The following MPHOSPH9 variants were observed in gnomAD, a reference collection of about 807,000 sequenced individuals.
MPHOSPH9 encodes the protein M-phase phosphoprotein 9.
A neutral mutation model predicts 145.5 loss-of-function variants in MPHOSPH9; 88 were observed. That is an observed-to-expected ratio of 0.60 (90% CI 0.51 to 0.72). MPHOSPH9 has a LOEUF of 0.72. Ranked by LOEUF, MPHOSPH9 falls within the 30% of genes least tolerant of loss-of-function variation. MPHOSPH9 has a pLI of 0.00. For missense variants in MPHOSPH9, 1,238 were observed against 1,386.6 expected (o/e 0.89, Z 1.70); for synonymous variants, 435 against 486.2 (o/e 0.89, Z 1.39).
chr12:123,181,041 C>A, intron 14 of MPHOSPH9, 122 bp downstream of exon 14: 1 of 857,942 alleles, frequency 1.2e-6, no homozygotes, highest in South Asian at 1.5e-5. Flanking sequence ...AGCAAGGTTC[C>A]AGTTCAACAG....
chr12:123,156,926 GA>G lies in MPHOSPH9; in HGVS notation c.3451-19del. On this transcript the variant is annotated intron_variant, in intron 23 of 23. Coordinates refer to ENST00000606320, the MANE Select transcript of MPHOSPH9 (RefSeq NM_022782.4). ...AAGGCTTCCTAGGTGAAAACAATGG[GA>G]AAAGTTTAATTAGAATTCTATACCA... 1.9e-6 allele frequency: 3 copies of G among 1,578,614 alleles called. No individual in the cohort carries two copies. Among genetic ancestry groups the G allele is most frequent in the African/African-American group, 1.3e-5 (1 of 74,476 alleles).
At chr12:123,238,643 G>A (rs558466962) in intron 1 of MPHOSPH9, among the ~76,000 whole-genome samples, 1 of 152,128 alleles carries the variant, frequency 6.6e-6, no homozygotes, top group African/African-American at 2.4e-5. Flanking sequence ...TTTTAAAAGT[G>A]TCTGTCCTAG....
At chr12:123,211,470 A>AACTACAG (rs1386566249) in intron 7 of MPHOSPH9, among the ~76,000 whole-genome samples, 15 of 151,564 alleles carry the variant, frequency 9.9e-5, no homozygotes, top group Admixed American at 5.3e-4. Context: ...CTCCTGTCTT[A>AACTACAG]GCCCCACAAG....
chr12:123,210,052 T>C lies in MPHOSPH9; in HGVS notation c.1194+4A>G. 1.3e-6 allele frequency: 2 copies of C among 1,599,926 alleles called. No homozygotes were observed. Among genetic ancestry groups the C allele is most frequent in the Non-Finnish European group, 1.7e-6 (2 of 1,172,830 alleles). ...CGCCCGGCCACCGTGTGTTTTTAAA[T>C]TACCTGGTTTGGTGACACATCTGTG... is the stretch of plus-strand genomic sequence containing the variant. On this transcript the variant is annotated splice_donor_region_variant and intron_variant, in intron 8 of 23. Transcript: ENST00000606320.
intron 20 of MPHOSPH9, 51 bp from the exon 21 acceptor site, chr12:123,162,269 C>T (rs1387461336): frequency 9.9e-7 from 1 of 1,013,232 alleles, no homozygotes; most frequent in Middle Eastern, 2.6e-4. Context: ...AACTGATTTT[C>T]CCTATCTCCA....
At chr12:123,196,003 C>T (rs1190867559) in intron 12 of MPHOSPH9, among the ~76,000 whole-genome samples, 1 of 151,714 alleles carries the variant, frequency 6.6e-6, no homozygotes, top group Non-Finnish European at 1.5e-5. Flanking sequence ...CCACAGCACT[C>T]TAGCCTGGGC....
intron 1 of MPHOSPH9, among the ~76,000 whole-genome samples, chr12:123,231,747 T>G (rs186700003): frequency 6.6e-6 from 1 of 151,598 alleles, no homozygotes; most frequent in East Asian, 1.9e-4. Flanking sequence ...CCAACTAAAA[T>G]TTCAGTGAAG....
rs558400679 is a variant in MPHOSPH9, at chr12:123,155,405, G to T, written c.*1402C>A. On this transcript the variant is annotated 3_prime_UTR_variant, in exon 24 of 24. Transcript: ENST00000606320. ...GACCCCTGGCCTGGGGACCAGCCAG[G>T]TGAAGGGTGCTCAAAGGTCATTTGA... 2 of 152,284 alleles carry T rather than the reference G, an allele frequency of 1.3e-5. No homozygotes were observed. Among genetic ancestry groups the T allele is most frequent in the African/African-American group, 4.8e-5 (2 of 41,568 alleles). The allele number at this position is 152,284 out of a possible 1,614,324, so 9.4% of individuals were successfully genotyped here.
chr12:123,196,315 A>C (rs1055106591), intron 12 of MPHOSPH9, among the ~76,000 whole-genome samples: 3 of 152,068 alleles, frequency 2.0e-5, no homozygotes, highest in Non-Finnish European at 2.9e-5. Flanking sequence ...GCACCATTGC[A>C]CTCCAGCCTG....
intron 5 of MPHOSPH9, among the ~76,000 whole-genome samples, chr12:123,220,464 T>C (rs1046551545): frequency 6.7e-6 from 1 of 150,274 alleles, no homozygotes; most frequent in Non-Finnish European, 1.5e-5. Flanking sequence ...CTCAGGAGAC[T>C]TAAGGCAGGA....
intron 16 of MPHOSPH9, among the ~76,000 whole-genome samples, chr12:123,169,604 AT>A (rs903921124): frequency 8.0e-4 from 119 of 148,214 alleles, no homozygotes; most frequent in African/African-American, 1.8e-3. Flanking sequence ...GATCTTGCCA[AT>A]TTTTTTTTTT....
In MPHOSPH9 at chr12:123,202,644, T is replaced by G. The variant is rs766937494; in HGVS notation, c.1761A>C (p.Glu587Asp). 3.1e-6 allele frequency: 5 copies of G among 1,613,854 alleles called. No individual in the cohort carries two copies. In the South Asian group the frequency reaches 5.5e-5, roughly 18 times the overall value. ...VPECISLTSL[E>D]DPVILSKIRQ... ...CATACTTAGACAATATCACAGGATC[T>G]TCCAAGGAAGTCAATGAAATGCATT... The change falls in exon 10 of 24, where the codon GAA becomes GAC. Residue 587 changes from glutamate (E) to aspartate (D), a missense_variant. By Grantham distance (45) the Glu-to-Asp change is conservative. Coordinates refer to ENST00000606320, the MANE Select transcript of MPHOSPH9 (RefSeq NM_022782.4).
At chr12:123,172,665 CT>C (rs2044638194) in intron 16 of MPHOSPH9, among the ~76,000 whole-genome samples, 2 of 152,030 alleles carry the variant, frequency 1.3e-5, no homozygotes, top group African/African-American at 4.8e-5. Context: ...ATGAAATATT[CT>C]TTTTTCCCAA....
chr12:123,218,839 G>A (rs946574353), intron 5 of MPHOSPH9, among the ~76,000 whole-genome samples: 1 of 151,638 alleles, frequency 6.6e-6, no homozygotes, highest in Non-Finnish European at 1.5e-5. Flanking sequence ...TTTAGATACT[G>A]TACTTCACAT....
At chr12:123,177,152 C>T (rs1223383025) in intron 15 of MPHOSPH9, among the ~76,000 whole-genome samples, 1 of 151,750 alleles carries the variant, frequency 6.6e-6, no homozygotes, top group Non-Finnish European at 1.5e-5. Context: ...ATCGCACCAG[C>T]CTGGCGACAG....
intron 16 of MPHOSPH9, among the ~76,000 whole-genome samples, chr12:123,168,071 T>C (rs934561807): frequency 1.5e-4 from 23 of 152,180 alleles, no homozygotes; most frequent in Admixed American, 9.2e-4. Flanking sequence ...CTACGATCCT[T>C]GGCCTCTCCA....
intron 11 of MPHOSPH9, among the ~76,000 whole-genome samples, chr12:123,199,565 G>A (rs2046125792): frequency 6.6e-6 from 1 of 152,168 alleles, no homozygotes; most frequent in South Asian, 2.1e-4. Flanking sequence ...TGGATCACAA[G>A]GTCAGGAGAT....
chr12:123,225,092 C>T (rs528788012), intron 3 of MPHOSPH9, among the ~76,000 whole-genome samples: 163 of 152,094 alleles, frequency 1.1e-3, no homozygotes, highest in African/African-American at 3.7e-3. Flanking sequence ...GTTATATTAC[C>T]TATGAATTTC....
At chr12:123,207,134 T>C (rs1180819445) in intron 8 of MPHOSPH9, among the ~76,000 whole-genome samples, 2 of 138,170 alleles carry the variant, frequency 1.4e-5, no homozygotes, top group Admixed American at 1.6e-4. Flanking sequence ...AAAATATAAA[T>C]TCTAAAGTGG....
Sources: allele counts gnomAD v4.1 joint callset (sites outside exome capture counted in the v4.1 genomes callset), GRCh38; gene constraint gnomAD v4.1.1; transcripts MANE v1.5; gene names NCBI Gene and HGNC (gene_info 2026-07-23, HGNC 2026-07-21).